The following KAZN variants were observed in gnomAD, a reference collection of about 807,000 sequenced individuals.
The protein encoded by KAZN is kazrin, periplakin interacting protein.
Under a neutral mutation model 87.4 loss-of-function variants are expected in KAZN, and 40 were observed. The observed-to-expected ratio is 0.46, with a 90% CI of 0.36 to 0.60. KAZN has a LOEUF of 0.60. Among genes scored for constraint, KAZN ranks in the 20% least tolerant of loss-of-function variants. KAZN has a pLI of 0.00. For missense variants in KAZN, 898 were observed against 1,073.9 expected, an observed-to-expected ratio of 0.84 and a Z score of 2.29; for synonymous variants, 466 against 458.3, an observed-to-expected ratio of 1.02 and a Z score of -0.22.
chr1:14,589,299 C>G, intron 2 of KAZN, among the ~76,000 whole-genome samples: 1 of 146,968 alleles, frequency 6.8e-6, no homozygotes, highest in African/African-American at 2.5e-5. Context: ...TCGTAAATTG[C>G]TTTACACCTC....
chr1:14,407,690 T>C (rs570835588), intron 2 of KAZN, among the ~76,000 whole-genome samples: 1 of 152,326 alleles, frequency 6.6e-6, no homozygotes, highest in South Asian at 2.1e-4. Context: ...TAGAGTGTTG[T>C]ATAAACTGTT....
At chr1:14,128,845 A>G (rs1644930063) in intron 1 of KAZN, among the ~76,000 whole-genome samples, 1 of 152,152 alleles carries the variant, frequency 6.6e-6, no homozygotes, top group African/African-American at 2.4e-5. Context: ...GCGTCAGGAA[A>G]TCTCCATTTT....
chr1:14,663,373 C>A (rs773093309), intron 1 of KAZN, among the ~76,000 whole-genome samples: 18 of 152,122 alleles, frequency 1.2e-4, no homozygotes, highest in Non-Finnish European at 8.8e-5. Flanking sequence ...GCCACACAGG[C>A]AAGAGAGGGA....
chr1:14,486,122 G>A (rs534498553), intron 2 of KAZN, among the ~76,000 whole-genome samples: 5 of 152,054 alleles, frequency 3.3e-5, no homozygotes, highest in Non-Finnish European at 7.4e-5. Flanking sequence ...TTTGGGGCTC[G>A]CCTGCCCTGC....
intron 1 of KAZN, among the ~76,000 whole-genome samples, chr1:14,632,742 A>G (rs949889881): frequency 6.6e-6 from 1 of 151,888 alleles, no homozygotes; most frequent in Non-Finnish European, 1.5e-5. Context: ...CGCTTGTTTG[A>G]TTTCATCCCG....
At chr1:14,726,739 A>G (rs1643402402) in intron 1 of KAZN, among the ~76,000 whole-genome samples, 5 of 152,226 alleles carry the variant, frequency 3.3e-5, no homozygotes, top group African/African-American at 1.2e-4. Context: ...CAGACCGGCA[A>G]CATCTGCATC....
rs78024448 is a variant in KAZN at position 14,435,008 on chromosome 1, G to A, written c.250-163975G>A. On this transcript the variant is annotated intron_variant, in intron 2 of 16. Coordinates refer to the KAZN transcript ENST00000636203. ...CGAGGCTGTCAGCCCTAGGAAGGCA[G>A]CAATCCCACCATCCTTACACCACAC... 4.9e-4 allele frequency among the ~76,000 whole-genome samples: 74 copies of A among 152,226 alleles called. No homozygotes were observed. In the East Asian group the frequency reaches 0.012, roughly 24 times the overall value.
chr1:14,935,317 T>A (rs549914767), intron 1 of KAZN, among the ~76,000 whole-genome samples: 71 of 152,266 alleles, frequency 4.7e-4, no homozygotes, highest in Non-Finnish European at 9.1e-4. Context: ...CTTGGCTCTC[T>A]GCAACCTCTG....
chr1:15,032,194 C>CT lies in KAZN; in HGVS notation c.419-2539dup, dbSNP rs573009977. Among the ~76,000 whole-genome samples the CT allele has an allele frequency of 9.7e-3, 687 of 70,914 alleles. 11 individuals carry two copies. The highest frequency in any genetic ancestry group is 0.033 in the African/African-American group (580 of 17,606). 46.5% of individuals were successfully genotyped at this position (70,914 alleles called of 152,430 possible). The stretch of plus-strand genomic sequence containing the variant: ...TGTGGACATTTCTTTTTTTTTTTTT[C>CT]TTTTTTTTTTTTTTTTGAGACAGAA... On this transcript the variant is annotated intron_variant, in intron 2 of 14. Transcript: ENST00000376030.
chr1:14,753,467 C>A (rs913665039), intron 1 of KAZN, among the ~76,000 whole-genome samples: 1 of 152,002 alleles, frequency 6.6e-6, no homozygotes, highest in African/African-American at 2.4e-5. Flanking sequence ...GGGCTCACAC[C>A]TATAATCCCA....
Position 14,849,412 on chromosome 1 carries a change from G to A in KAZN, c.227-111272G>A, listed in dbSNP as rs187010414. Among the ~76,000 whole-genome samples, 15 of 152,140 alleles carry A rather than the reference G, an allele frequency of 9.9e-5. No individual in the cohort carries two copies. The East Asian group carries it at 2.3e-3, about 24-fold the overall frequency. ...CATTTTTGAGTGTTTACTACGTTCCGGGCTCTGCACTGAGCACATTAACAC... is the reference window on the plus strand; with the variant it reads ...CATTTTTGAGTGTTTACTACGTTCCAGGCTCTGCACTGAGCACATTAACAC... On this transcript the variant is annotated intron_variant, in intron 1 of 14. Coordinates refer to ENST00000376030, the MANE Select transcript of KAZN (RefSeq NM_201628.3).
At chr1:13,921,730 A>G (rs2100903905) in intron 1 of KAZN, among the ~76,000 whole-genome samples, 1 of 151,844 alleles carries the variant, frequency 6.6e-6, no homozygotes, top group African/African-American at 2.4e-5. Flanking sequence ...GGTTCATGCC[A>G]TTCTCCTGCC....
chr1:14,218,448 C>A (rs914769404), intron 2 of KAZN, among the ~76,000 whole-genome samples: 10 of 152,096 alleles, frequency 6.6e-5, no homozygotes, highest in African/African-American at 2.4e-4. Context: ...TTAGAGGATT[C>A]TAGGTCTGGG....
At chr1:14,631,772 C>T (rs1679586161) in intron 1 of KAZN, among the ~76,000 whole-genome samples, 1 of 152,224 alleles carries the variant, frequency 6.6e-6, no homozygotes, top group Non-Finnish European at 1.5e-5. Flanking sequence ...GGTAGCTGCT[C>T]CCCTCGTGTT....
intron 8 of KAZN, among the ~76,000 whole-genome samples, chr1:15,068,744 C>T (rs889362575): frequency 4.6e-5 from 7 of 151,998 alleles, no homozygotes; most frequent in African/African-American, 1.7e-4. Flanking sequence ...AGAGGGTACC[C>T]GGGTTACCCC....
intron 1 of KAZN, among the ~76,000 whole-genome samples, chr1:14,883,355 A>AAAGAAAAGAAAGAAAG (rs1449958306): frequency 3.9e-4 from 8 of 20,618 alleles, no homozygotes; most frequent in Admixed American, 6.7e-4. Flanking sequence ...AGAAAGAAAG[A>AAAGAAAAGAAAGAAAG]AAAGAAAGAA....
At chr1:14,020,097 T>C (rs1640755893) in intron 1 of KAZN, among the ~76,000 whole-genome samples, 1 of 151,992 alleles carries the variant, frequency 6.6e-6, no homozygotes, top group Non-Finnish European at 1.5e-5. Flanking sequence ...GCATGCAGCA[T>C]AGATTTCTTG....
chr1:13,975,151 A>G (rs1446546939), intron 1 of KAZN, among the ~76,000 whole-genome samples: 1 of 152,198 alleles, frequency 6.6e-6, no homozygotes, highest in Non-Finnish European at 1.5e-5. Context: ...AAGACAGATC[A>G]TAGAGTGTGT....
At chr1:14,630,853 A>G (rs1679508969) in intron 1 of KAZN, among the ~76,000 whole-genome samples, 1 of 152,224 alleles carries the variant, frequency 6.6e-6, no homozygotes, top group African/African-American at 2.4e-5. Context: ...TTTCTCATCA[A>G]TAAAATGGGG....
Sources: allele counts gnomAD v4.1 joint callset (sites outside exome capture counted in the v4.1 genomes callset), GRCh38; gene constraint gnomAD v4.1.1; transcripts MANE v1.5; gene names NCBI Gene and HGNC (gene_info 2026-07-23, HGNC 2026-07-21).